The following KCNK2 variants were observed in gnomAD, a reference collection of about 807,000 sequenced individuals.
KCNK2 encodes potassium channel subfamily K member 2.
A neutral mutation model predicts 40.5 loss-of-function variants in KCNK2; 21 were observed. The observed-to-expected ratio is 0.52, with a 90% CI of 0.37 to 0.75. The LOEUF (loss-of-function observed/expected upper bound fraction) is 0.75. Among genes scored for constraint, KCNK2 ranks in the 30% least tolerant of loss-of-function variants. The pLI is 0.00. For synonymous variants in KCNK2, 191 were observed against 202.2 expected (o/e 0.94, Z 0.47); for missense variants, 399 against 531.6 (o/e 0.75, Z 2.45).
At chr1:215,173,767 T>C (rs1347211974) in intron 5 of KCNK2, among the ~76,000 whole-genome samples, 1 of 152,236 alleles carries the variant, frequency 6.6e-6, no homozygotes, top group African/African-American at 2.4e-5. Context: ...ATAAATGTCT[T>C]CTTTTGAGAA....
At chr1:215,147,391 TG>T (rs1181516563) in intron 3 of KCNK2, among the ~76,000 whole-genome samples, 1 of 152,256 alleles carries the variant, frequency 6.6e-6, no homozygotes, top group African/African-American at 2.4e-5. Context: ...CAGTGTACGA[TG>T]TGTGAAAATT....
chr1:215,108,196 C>T (rs916015763), intron 2 of KCNK2, among the ~76,000 whole-genome samples: 7 of 152,148 alleles, frequency 4.6e-5, no homozygotes, highest in African/African-American at 9.7e-5. Flanking sequence ...GGCCGCTCAC[C>T]TCCTACTGTG....
At chr1:215,172,945 G>A (rs1049543666) in intron 5 of KCNK2, among the ~76,000 whole-genome samples, 2 of 151,976 alleles carry the variant, frequency 1.3e-5, no homozygotes, top group Non-Finnish European at 2.9e-5. Flanking sequence ...ACTACGCCCG[G>A]CCTAAGAATC....
chr1:215,024,785 G>A (rs12087419), intron 1 of KCNK2, among the ~76,000 whole-genome samples: 4,666 of 151,864 alleles, frequency 0.031, 238 homozygotes, highest in African/African-American at 0.11. Context: ...ATGTTTTAGC[G>A]GTATATAAAA....
chr1:215,036,458 T>C (rs2102489483), intron 1 of KCNK2, among the ~76,000 whole-genome samples: 1 of 136,122 alleles, frequency 7.3e-6, no homozygotes, highest in East Asian at 2.3e-4. Flanking sequence ...AGTTTTAACA[T>C]TAGTTTAAAG....
At chr1:215,232,525 A>G (rs1011298429) in intron 6 of KCNK2, among the ~76,000 whole-genome samples, 2 of 152,192 alleles carry the variant, frequency 1.3e-5, no homozygotes, top group Non-Finnish European at 2.9e-5. Context: ...TTCCAGTGAT[A>G]AATTTATTCA....
intron 4 of KCNK2, among the ~76,000 whole-genome samples, chr1:215,169,976 G>C (rs945870706): frequency 2.4e-4 from 36 of 151,838 alleles, no homozygotes; most frequent in African/African-American, 8.5e-4. Flanking sequence ...GTGTCTCCCA[G>C]CTATATTCTC....
chr1:215,006,708 T>C (rs1295683119), intron 1 of KCNK2, among the ~76,000 whole-genome samples: 1 of 152,044 alleles, frequency 6.6e-6, no homozygotes, highest in Non-Finnish European at 1.5e-5. Flanking sequence ...TAAATATTTT[T>C]TGAATGCTGA....
chr1:215,147,594 A>G (rs1571665038), intron 3 of KCNK2, among the ~76,000 whole-genome samples: 2 of 152,048 alleles, frequency 1.3e-5, no homozygotes, highest in South Asian at 4.1e-4. Flanking sequence ...CACTTTGGGA[A>G]GCTGAGGCGG....
chr1:215,223,325 C>T (rs937150557), intron 6 of KCNK2, among the ~76,000 whole-genome samples: 1 of 147,920 alleles, frequency 6.8e-6, no homozygotes, highest in African/African-American at 2.5e-5. Context: ...AAAAACCTTA[C>T]AGAGTTCAGA....
intron 1 of KCNK2, among the ~76,000 whole-genome samples, chr1:215,025,107 A>C (rs570069274): frequency 6.6e-6 from 1 of 152,268 alleles, no homozygotes; most frequent in Non-Finnish European, 1.5e-5. Flanking sequence ...GCCTGGGTTC[A>C]AATCCAAACC....
intron 6 of KCNK2, among the ~76,000 whole-genome samples, chr1:215,198,017 A>G (rs201163019): frequency 1.7e-5 from 2 of 118,252 alleles, no homozygotes; most frequent in South Asian, 5.6e-4. Flanking sequence ...AAACAAACAA[A>G]CAAGCAAACA....
In KCNK2 at chr1:215,124,141, T is replaced by C. The variant is rs1661316018; in HGVS notation, c.358-492T>C. 5.3e-5 allele frequency among the ~76,000 whole-genome samples: 8 copies of C among 152,330 alleles called. No individual in the cohort carries two copies. The South Asian group carries it at 1.7e-3, about 32-fold the overall frequency. The stretch of plus-strand genomic sequence containing the variant: ...TCCTTTTCATCTTAAGTTGTTTTGC[T>C]AGCTCTTTATGATATAGGCTTGGTA... On this transcript the variant is annotated intron_variant, in intron 2 of 6. Transcript: ENST00000444842.
At chr1:215,105,639 AC>A (rs1359313593) in intron 2 of KCNK2, among the ~76,000 whole-genome samples, 1 of 152,090 alleles carries the variant, frequency 6.6e-6, no homozygotes, top group Non-Finnish European at 1.5e-5. Flanking sequence ...CAGATTTGTT[AC>A]AAGGGTATAT....
intron 1 of KCNK2, among the ~76,000 whole-genome samples, chr1:215,007,027 ATATATATATATG>A (rs1333328844): frequency 7.1e-5 from 4 of 56,150 alleles, no homozygotes; most frequent in African/African-American, 1.7e-4. Context: ...ATATATATAT[ATATATATATATG>A]TGTGTGTGTG....
intron 3 of KCNK2, among the ~76,000 whole-genome samples, chr1:215,161,244 C>A (rs1383190541): frequency 6.6e-6 from 1 of 152,162 alleles, no homozygotes; most frequent in Non-Finnish European, 1.5e-5. Flanking sequence ...CTGCAACTCT[C>A]ACACACTCTT....
At chr1:215,010,827 G>GGATT (rs1656348926) in intron 1 of KCNK2, among the ~76,000 whole-genome samples, 1 of 148,032 alleles carries the variant, frequency 6.8e-6, no homozygotes, top group Admixed American at 6.7e-5. Context: ...CCTCAGGGTA[G>GGATT]GATTGTCTGC....
rs1313037935 is a variant in KCNK2, at chr1:215,082,745, C to T, written c.-641C>T. ...GAGTTCCGAAAGGAGGGAAACGAGC[C>T]GGCAAGGGGCGACAGGAGCGAGCCG... On this transcript the variant is annotated 5_prime_UTR_variant, in exon 1 of 7. Coordinates refer to ENST00000444842, the MANE Select transcript of KCNK2 (RefSeq NM_001017425.3). Among the ~76,000 whole-genome samples, 1 of 151,768 alleles carries T rather than the reference C, an allele frequency of 6.6e-6. No individual in the cohort carries two copies. Among genetic ancestry groups the T allele is most frequent in the Non-Finnish European group, 1.5e-5 (1 of 67,910 alleles).
chr1:215,047,934 T>C (rs879525294), intron 1 of KCNK2, among the ~76,000 whole-genome samples: 14 of 152,162 alleles, frequency 9.2e-5, no homozygotes, highest in Non-Finnish European at 1.9e-4. Context: ...TGTGTGTAGA[T>C]GAAAATGCAG....
Sources: gnomAD v4.1 joint callset for allele counts (sites outside exome capture counted in the v4.1 genomes callset) on GRCh38, gnomAD v4.1.1 for gene constraint, MANE v1.5 for transcripts, NCBI Gene and HGNC (gene_info 2026-07-23, HGNC 2026-07-21) for gene names.